XPO7: variants seen among roughly 807,000 people sequenced by gnomAD.
The protein encoded by XPO7 is exportin 7.
In XPO7, 21 loss-of-function variants were observed where a neutral mutation model predicts 144.3. That is an observed-to-expected ratio of 0.15 (90% CI 0.10 to 0.21). The LOEUF is 0.21. Among genes scored for constraint, XPO7 ranks in the 10% least tolerant of loss-of-function variants. XPO7 has a pLI of 1.00. For missense variants in XPO7, 808 were observed against 1,325.8 expected (o/e 0.61, Z 6.06); for synonymous variants, 580 against 499.6 (o/e 1.16, Z -2.15).
intron 1 of XPO7, among the ~76,000 whole-genome samples, chr8:21,965,390 C>T (rs530502498): frequency 1.8e-4 from 27 of 152,134 alleles, no homozygotes; most frequent in Non-Finnish European, 1.0e-4. Flanking sequence ...TGAATAAACT[C>T]AGGTACTACT....
intron 1 of XPO7, among the ~76,000 whole-genome samples, chr8:21,965,673 A>G (rs13276082): frequency 0.37 from 55,618 of 152,048 alleles, 10,645 homozygotes; most frequent in East Asian, 0.44. Context: ...TTGGAAATTT[A>G]TTAATCAGGT....
chr8:22,000,360 G>C (rs1364082873), intron 24 of XPO7, among the ~76,000 whole-genome samples: 1 of 152,132 alleles, frequency 6.6e-6, no homozygotes, highest in Non-Finnish European at 1.5e-5. Flanking sequence ...GTGGAAGCTG[G>C]GGAAAGGTTT....
intron 16 of XPO7, among the ~76,000 whole-genome samples, chr8:21,989,911 G>A (rs546491703): frequency 8.0e-5 from 10 of 124,322 alleles, no homozygotes; most frequent in South Asian, 2.8e-4. Flanking sequence ...GTGCAGTTGC[G>A]CGATCTCGGC....
intron 1 of XPO7, among the ~76,000 whole-genome samples, chr8:21,951,378 T>G (rs1333450245): frequency 6.6e-6 from 1 of 152,194 alleles, no homozygotes. Flanking sequence ...TTCTCTGTTT[T>G]TTTTATAGTA....
intron 1 of XPO7, among the ~76,000 whole-genome samples, chr8:21,923,801 T>C (rs1463594686): frequency 6.6e-6 from 1 of 152,174 alleles, no homozygotes; most frequent in Non-Finnish European, 1.5e-5. Context: ...TTGAAAGCAA[T>C]ATTGTACCAC....
intron 1 of XPO7, among the ~76,000 whole-genome samples, chr8:21,921,797 G>GTGGT (rs960068068): frequency 6.0e-4 from 92 of 152,318 alleles, no homozygotes; most frequent in African/African-American, 1.9e-3. Context: ...TTAGTGCTTA[G>GTGGT]TGGTCTTCAT....
intron 5 of XPO7, among the ~76,000 whole-genome samples, chr8:21,972,296 G>T (rs1026009236): frequency 6.6e-6 from 1 of 152,028 alleles, no homozygotes; most frequent in Non-Finnish European, 1.5e-5. Flanking sequence ...TGGCTAACAT[G>T]TTGAAACCCT....
chr8:21,991,644 C>T (rs1327454930), intron 18 of XPO7: 9 of 391,350 alleles, frequency 2.3e-5, no homozygotes, highest in Admixed American at 8.5e-5. Flanking sequence ...TCAGCATCAA[C>T]AAACCTAGCC....
At chr8:21,990,172 T>A (rs1419715269) in intron 16 of XPO7, among the ~76,000 whole-genome samples, 172 bp from the exon 17 acceptor site, 1 of 152,082 alleles carries the variant, frequency 6.6e-6, no homozygotes, top group African/African-American at 2.4e-5. Context: ...TCTTACTGAT[T>A]AAATAGTGCT....
chr8:21,937,971 A>G (rs1182978055), intron 1 of XPO7, among the ~76,000 whole-genome samples: 1 of 152,196 alleles, frequency 6.6e-6, no homozygotes, highest in Non-Finnish European at 1.5e-5. Flanking sequence ...AATATTTATG[A>G]GCCTTTCATA....
intron 21 of XPO7, among the ~76,000 whole-genome samples, chr8:21,996,794 T>C (rs951487204): frequency 1.3e-5 from 2 of 152,118 alleles, no homozygotes; most frequent in Non-Finnish European, 2.9e-5. Context: ...TCTTTATTTT[T>C]ATTTTATTTA....
intron 19 of XPO7, among the ~76,000 whole-genome samples, chr8:21,993,313 T>C (rs1428374512): frequency 6.6e-6 from 1 of 152,220 alleles, no homozygotes; most frequent in African/African-American, 2.4e-5. Context: ...TCATGTCCCA[T>C]GTAAAGTCTT....
chr8:21,939,598 T>G (rs919670107), intron 1 of XPO7, among the ~76,000 whole-genome samples: 1 of 152,238 alleles, frequency 6.6e-6, no homozygotes, highest in Non-Finnish European at 1.5e-5. Context: ...CAACGTTAAT[T>G]GAGTCAGATT....
At chr8:22,003,803 T>G in intron 26 of XPO7, 100 bp from the exon 27 acceptor site, 1 of 1,533,846 alleles carries the variant, frequency 6.5e-7, no homozygotes, top group Non-Finnish European at 8.8e-7. Flanking sequence ...GACATTCCAT[T>G]CCTCCTTAGA....
intron 1 of XPO7, among the ~76,000 whole-genome samples, chr8:21,927,912 A>G (rs1810514585): frequency 6.6e-6 from 1 of 152,178 alleles, no homozygotes; most frequent in Non-Finnish European, 1.5e-5. Flanking sequence ...ACAAAAGTGG[A>G]TATTTGGTTC....
In XPO7 at chr8:22,002,165, C is replaced by G. The variant is rs770336382; in HGVS notation, c.2836C>G (p.Leu946Val). 1 of 1,612,718 alleles carries G rather than the reference C, an allele frequency of 6.2e-7. No individual in the cohort carries two copies. Among genetic ancestry groups the G allele is most frequent in the South Asian group, 1.1e-5 (1 of 90,694 alleles). The change falls in exon 25 of 28, where the codon CTC (leucine) becomes GTC (valine). Residue 946 changes from leucine to valine, a missense_variant. Leu to Val is a conservative substitution (Grantham distance 32, BLOSUM62 1). This residue lies in a region of XPO7 where 140 missense variants were observed against 237.9 expected (regional missense o/e 0.59). Transcript: ENST00000252512. The part of the protein sequence containing the change: ...CSCLDHIVTY[L>V]FKQLSRSTKK... ...CTGCCTGGACCACATTGTGACATAC[C>G]TCTTCAAGCAGCTGTCACGTAGCAC...
At chr8:21,997,237 A>T (rs758079435) in intron 21 of XPO7, among the ~76,000 whole-genome samples, 1 of 152,250 alleles carries the variant, frequency 6.6e-6, no homozygotes, top group African/African-American at 2.4e-5. Flanking sequence ...CTCTTTGCCA[A>T]ACTTTCCTAG....
At chr8:21,954,512 T>C (rs1459231713) in intron 1 of XPO7, among the ~76,000 whole-genome samples, 1 of 152,036 alleles carries the variant, frequency 6.6e-6, no homozygotes, top group African/African-American at 2.4e-5. Flanking sequence ...CACAGACCTG[T>C]AATCCCAGCT....
intron 21 of XPO7, among the ~76,000 whole-genome samples, chr8:21,996,754 C>T (rs1197568427): frequency 2.0e-5 from 3 of 152,006 alleles, no homozygotes; most frequent in East Asian, 3.8e-4. Context: ...TCTCTCATGG[C>T]GGTCCTGAGA....
Sources: allele counts gnomAD v4.1 joint callset (sites outside exome capture counted in the v4.1 genomes callset), GRCh38; gene constraint gnomAD v4.1.1; regional missense constraint gnomAD v4.1.1; transcripts MANE v1.5; gene names NCBI Gene and HGNC (gene_info 2026-07-23, HGNC 2026-07-21).